The following ACRBP variants were observed in gnomAD, a reference collection of about 807,000 sequenced individuals.
The protein encoded by ACRBP is acrosin binding protein.
A neutral mutation model predicts 69.0 loss-of-function variants in ACRBP; 52 were observed. The ratio of observed to expected loss-of-function variants is 0.75; its 90% confidence interval spans 0.60 to 0.95. The LOEUF (loss-of-function observed/expected upper bound fraction) is 0.95, where lower values mean the gene tolerates loss of function less well. ACRBP is among the 40% of genes least tolerant of loss of function. The pLI, the probability that ACRBP is intolerant of heterozygous loss-of-function variation, is 0.00. For synonymous variants in ACRBP, 267 were observed against 258.9 expected (o/e 1.03, Z -0.30); for missense variants, 604 against 673.0 (o/e 0.90, Z 1.13).
intron 4 of ACRBP, 54 bp from the exon 5 acceptor site, chr12:6,644,659 A>G: frequency 6.5e-7 from 1 of 1,543,810 alleles, no homozygotes. Flanking sequence ...CTAGCCCCTG[A>G]GTGTCTTTGT....
At chr12:6,641,389 G>A (rs1425952021) in intron 6 of ACRBP, among the ~76,000 whole-genome samples, 2 of 152,186 alleles carry the variant, frequency 1.3e-5, no homozygotes, top group African/African-American at 4.8e-5. Context: ...CATAACGGAG[G>A]CATCATGTCC....
intron 1 of ACRBP, 124 bp from the exon 2 acceptor site, chr12:6,647,136 G>C (rs1434898525): frequency 9.0e-6 from 10 of 1,112,718 alleles, no homozygotes; most frequent in Admixed American, 2.1e-5. Flanking sequence ...GACCAGGGCG[G>C]GGGGAGTCTA....
chr12:6,647,328 C>T lies in ACRBP; in HGVS notation c.39G>A (p.Leu13=). The change falls in exon 1 of 10, where the codon CTG becomes CTA. Residue 13 remains leucine (L), a synonymous_variant. Coordinates refer to ENST00000229243, the MANE Select transcript of ACRBP (RefSeq NM_032489.3). ...GAGCAGGTGTAAACCTCTCACCCTT[C>T]AGGAGTGAGGGAAGGAAGCCAGCGG... is the stretch of plus-strand genomic sequence containing the variant. ...KPAAGFLPSL[L]KVLLLPLAPA... 2 of 1,552,920 alleles carry T rather than the reference C, an allele frequency of 1.3e-6. No homozygotes were observed. Among genetic ancestry groups the T allele is most frequent in the Non-Finnish European group, 1.7e-6 (2 of 1,149,514 alleles).
chr12:6,646,726 G>A, intron 2 of ACRBP, 68 bp downstream of exon 2: 2 of 1,584,134 alleles, frequency 1.3e-6, no homozygotes, highest in Non-Finnish European at 8.6e-7. Context: ...ATGAGCACAG[G>A]GGTTTTTGCC....
chr12:6,638,700 C>T (rs1262089916), intron 9 of ACRBP: 2 of 1,426,024 alleles, frequency 1.4e-6, no homozygotes, highest in Non-Finnish European at 1.8e-6. Context: ...CAAGTCCTGG[C>T]CCAGCCAAGG....
intron 6 of ACRBP, among the ~76,000 whole-genome samples, chr12:6,641,533 A>G (rs910001278): frequency 6.6e-6 from 1 of 152,178 alleles, no homozygotes; most frequent in Non-Finnish European, 1.5e-5. Flanking sequence ...TGCTCCAGGT[A>G]AAAGGGACTC....
At chr12:6,645,192 G>A in intron 4 of ACRBP, 28 bp downstream of exon 4, 1 of 1,525,568 alleles carries the variant, frequency 6.6e-7, no homozygotes, top group Non-Finnish European at 9.0e-7. Context: ...AGTAGCTGGT[G>A]GTCTCCCGGC....
At chr12:6,641,004 C>T (rs909947076) in intron 6 of ACRBP, among the ~76,000 whole-genome samples, 1 of 152,230 alleles carries the variant, frequency 6.6e-6, no homozygotes, top group Non-Finnish European at 1.5e-5. Context: ...TTCACGACAA[C>T]CCTATAACAG....
Position 6,644,509 on chromosome 12 carries a change from T to C in ACRBP, c.572A>G (p.Gln191Arg). Residue 191 changes from glutamine (Q) to arginine (R), a missense_variant, in exon 5 of 10, where the codon CAA becomes CGA. Physicochemically the swap from Gln to Arg is conservative, Grantham distance 43 (BLOSUM62 1). Transcript: ENST00000229243. ...QSSLSLGGQE[Q>R]APEHKQEQGV... ...TTGCTCCTGCTTGTGCTCTGGCGCTTGCTCCTGGCCTCCCAGGGACAAGGA... is the reference window on the plus strand; with the variant it reads ...TTGCTCCTGCTTGTGCTCTGGCGCTCGCTCCTGGCCTCCCAGGGACAAGGA... The C allele has an allele frequency of 6.2e-7, 1 of 1,614,086 alleles. No individual in the cohort carries two copies. Among genetic ancestry groups the C allele is most frequent in the Non-Finnish European group, 8.5e-7 (1 of 1,180,028 alleles).
Position 6,638,412 on chromosome 12 carries a change from G to C in ACRBP, c.1510-8C>G, listed in dbSNP as rs1882553. 0.78 allele frequency: 1,255,007 copies of C among 1,613,590 alleles called. 490,979 individuals carry two copies. Among genetic ancestry groups the C allele is most frequent in the Middle Eastern group, 0.8 (4,838 of 6,062 alleles). ...ACATCTCATGCGGGACACCTACACAGAGATTCAGTGCAGACGGTCTGTATC... is the reference window on the plus strand; with the variant it reads ...ACATCTCATGCGGGACACCTACACACAGATTCAGTGCAGACGGTCTGTATC... On this transcript the variant is annotated splice_polypyrimidine_tract_variant and splice_region_variant and intron_variant, in intron 9 of 9. Transcript: ENST00000229243.
intron 6 of ACRBP, among the ~76,000 whole-genome samples, chr12:6,643,226 C>G (rs560982226): frequency 1.3e-5 from 2 of 152,200 alleles, no homozygotes; most frequent in South Asian, 4.1e-4. Context: ...CCACTCCCCT[C>G]CAGCCTGAGT....
chr12:6,639,793 A>G (rs1317482329), intron 8 of ACRBP, among the ~76,000 whole-genome samples: 1 of 152,230 alleles, frequency 6.6e-6, no homozygotes, highest in Non-Finnish European at 1.5e-5. Flanking sequence ...ACAGCCACCC[A>G]GCAAGTAACT....
Position 6,644,453 on chromosome 12 carries a change from C to T in ACRBP, c.628G>A (p.Glu210Lys). The change falls in exon 5 of 10, where the codon GAA becomes AAA. Residue 210 changes from glutamate (E) to lysine (K), a missense_variant. Around this residue, in one of 3 missense-constraint regions of ACRBP, gnomAD observed 532 missense variants for 562.9 expected, o/e 0.95. Coordinates refer to ENST00000229243, the MANE Select transcript of ACRBP (RefSeq NM_032489.3). Reference protein sequence around the residue: ...GVEHRQEPTQEHKQEEGQKQE... With the variant: ...GVEHRQEPTQKHKQEEGQKQE... ...TTCTGCCCCTCTTCCTGCTTGTGTT[C>T]TTGTGTCGGCTCCTGCCTGTGCTCC... 6.2e-7 allele frequency: 1 copy of T among 1,614,032 alleles called. No individual in the cohort carries two copies. The highest frequency in any genetic ancestry group is 8.5e-7 in the Non-Finnish European group (1 of 1,180,026).
At chr12:6,644,955 G>A (rs1949077571) in intron 4 of ACRBP, among the ~76,000 whole-genome samples, 1 of 152,210 alleles carries the variant, frequency 6.6e-6, no homozygotes, top group Admixed American at 6.5e-5. Context: ...GGGCCTAGAG[G>A]TCCTTTGTAA....
At position 6,644,212 on chromosome 12, in the gene ACRBP, CG is replaced by C; in HGVS notation, c.868del (p.Arg290AspfsTer6). 1 of 1,613,648 alleles carries C rather than the reference CG, an allele frequency of 6.2e-7. No individual in the cohort carries two copies. The highest frequency in any genetic ancestry group is 2.2e-5 in the East Asian group (1 of 44,852). On this transcript the variant is annotated frameshift_variant, in exon 5 of 10. Coordinates refer to ENST00000229243, the MANE Select transcript of ACRBP (RefSeq NM_032489.3). LOFTEE classifies it high-confidence loss of function. ...MIMENIQELI[R>X]SAQEIDEMNE... is the part of the protein sequence containing the mutation. ...CATTTCATCTATTTCCTGGGCTGAT[CG>C]AATGAGCTCCTGGATGTTCTCCATT...
At chr12:6,638,657 TAAG>T in intron 9 of ACRBP, 2 of 1,393,820 alleles carry the variant, frequency 1.4e-6, no homozygotes, top group Non-Finnish European at 1.9e-6. Context: ...ACTTGGTGAG[TAAG>T]AAGAGGAGAC....
At position 6,640,261 on chromosome 12, in the gene ACRBP, C is replaced by T. The variant is rs1193501528; in HGVS notation, c.1258-34G>A. The T allele has an allele frequency of 6.2e-7, 1 of 1,613,094 alleles. No homozygotes were observed. Among genetic ancestry groups the T allele is most frequent in the Non-Finnish European group, 8.5e-7 (1 of 1,179,232 alleles). On this transcript the variant is annotated intron_variant, in intron 7 of 9. Transcript: ENST00000229243. This position sits in a 1 kb window ranked among gnomAD's most constrained non-coding sequence, Gnocchi z 5.3. ...CAGGAGATAGGGGAGAGGTGCGTGC[C>T]CCTCCCCACCTGCTGGCCACCACCA...
intron 2 of ACRBP, 57 bp downstream of exon 2, chr12:6,646,737 C>T (rs984458145): frequency 6.2e-7 from 1 of 1,602,618 alleles, no homozygotes; most frequent in African/African-American, 1.3e-5. Context: ...GGTTTTTGCC[C>T]TGAGGTTTGG....
intron 3 of ACRBP, among the ~76,000 whole-genome samples, chr12:6,645,912 G>A (rs574744217): frequency 5.3e-5 from 8 of 151,392 alleles, no homozygotes; most frequent in Non-Finnish European, 1.2e-4. Context: ...TGCCTGCCTC[G>A]GCCTCCCAAA....
Sources: allele counts gnomAD v4.1 joint callset (sites outside exome capture counted in the v4.1 genomes callset), GRCh38; gene constraint gnomAD v4.1.1; regional missense constraint gnomAD v4.1.1; non-coding constraint Gnocchi (gnomAD v3.1); transcripts MANE v1.5; gene names NCBI Gene and HGNC (gene_info 2026-07-23, HGNC 2026-07-21).